Variants in DCC observed in about 807,000 individuals in gnomAD.
DCC encodes netrin receptor DCC.
DCC carries 58 observed loss-of-function variants against 172.5 expected under a neutral mutation model. The ratio of observed to expected loss-of-function variants is 0.34; its 90% CI spans 0.27 to 0.42. The LOEUF is 0.42. Among genes scored for constraint, DCC ranks in the 10% least tolerant of loss-of-function variants. DCC has a pLI of 1.00. For missense variants in DCC, 1,740 were observed against 1,791.0 expected (o/e 0.97, Z 0.51); for synonymous variants, 709 against 644.5 (o/e 1.10, Z -1.52).
intron 1 of DCC, among the ~76,000 whole-genome samples, chr18:52,378,998 T>C (rs1243167914): frequency 6.6e-6 from 1 of 152,190 alleles, no homozygotes. Context: ...AGGTAAAGTA[T>C]AGGTACAAAC....
intron 5 of DCC, among the ~76,000 whole-genome samples, chr18:53,006,926 A>G (rs375357322): frequency 7.9e-5 from 12 of 152,332 alleles, no homozygotes; most frequent in African/African-American, 2.9e-4. Context: ...CATGGATTCC[A>G]AAGAGATTGC....
At chr18:53,315,292 C>T (rs926199027) in intron 13 of DCC, among the ~76,000 whole-genome samples, 1 of 152,154 alleles carries the variant, frequency 6.6e-6, no homozygotes, top group African/African-American at 2.4e-5. Context: ...AGGACATGAA[C>T]CCATCCTTTT....
intron 1 of DCC, among the ~76,000 whole-genome samples, chr18:52,457,861 A>C (rs1988505835): frequency 6.6e-6 from 1 of 152,152 alleles, no homozygotes; most frequent in South Asian, 2.1e-4. Flanking sequence ...TATCCTCTCA[A>C]AGATCTTGCC....
At chr18:52,817,630 A>C (rs1289234237) in intron 2 of DCC, among the ~76,000 whole-genome samples, 2 of 152,144 alleles carry the variant, frequency 1.3e-5, no homozygotes, top group African/African-American at 4.8e-5. Flanking sequence ...GAGTGATGAC[A>C]ATGATTTTTT....
chr18:52,940,208 C>T (rs139771524), intron 5 of DCC, among the ~76,000 whole-genome samples: 3,407 of 152,156 alleles, frequency 0.022, 56 homozygotes, highest in Middle Eastern at 0.054. Context: ...ACCAAACCAA[C>T]GAACAAAAGT....
At chr18:52,910,810 C>G (rs1445301895) in intron 3 of DCC, among the ~76,000 whole-genome samples, 2 of 151,966 alleles carry the variant, frequency 1.3e-5, no homozygotes. Context: ...GACTCTGAGT[C>G]CTGTATAGAC....
chr18:52,403,089 T>A (rs892292146), intron 1 of DCC, among the ~76,000 whole-genome samples: 4 of 152,010 alleles, frequency 2.6e-5, no homozygotes, highest in Non-Finnish European at 1.5e-5. Context: ...GTGAAAGTTT[T>A]GATGGTGGAC....
intron 1 of DCC, among the ~76,000 whole-genome samples, chr18:52,620,367 T>G (rs1166743521): frequency 1.3e-5 from 2 of 152,202 alleles, no homozygotes; most frequent in African/African-American, 4.8e-5. Context: ...CTGCAGACCA[T>G]AGCCTACAAT....
At chr18:53,356,071 T>C (rs1263113379) in intron 15 of DCC, among the ~76,000 whole-genome samples, 2 of 152,126 alleles carry the variant, frequency 1.3e-5, no homozygotes, top group Non-Finnish European at 2.9e-5. Flanking sequence ...ATTTATTTTT[T>C]TGAGACAGGG....
chr18:53,016,576 CTAACA>C (rs551146260), intron 5 of DCC, among the ~76,000 whole-genome samples: 1 of 151,776 alleles, frequency 6.6e-6, no homozygotes, highest in Non-Finnish European at 1.5e-5. Context: ...AAAATGTTAC[CTAACA>C]TATTTGAAAC....
intron 1 of DCC, among the ~76,000 whole-genome samples, chr18:52,400,089 T>C (rs1014107951): frequency 6.6e-6 from 1 of 152,104 alleles, no homozygotes; most frequent in African/African-American, 2.4e-5. Flanking sequence ...GAAAGTAGCA[T>C]ATCCCATCAA....
chr18:53,340,021 A>G (rs1327800238), intron 15 of DCC, 114 bp downstream of exon 15: 3 of 807,486 alleles, frequency 3.7e-6, no homozygotes, highest in African/African-American at 1.7e-5. Flanking sequence ...TACAGCATGT[A>G]TTAGCTCTGA....
At chr18:52,403,690 T>G (rs375608816) in intron 1 of DCC, among the ~76,000 whole-genome samples, 33 of 152,124 alleles carry the variant, frequency 2.2e-4, no homozygotes, top group East Asian at 1.6e-3. Flanking sequence ...GAGGAGGCAA[T>G]GCCTTAGTGC....
At chr18:52,498,802 T>C (rs747101169) in intron 1 of DCC, among the ~76,000 whole-genome samples, 1 of 152,144 alleles carries the variant, frequency 6.6e-6, no homozygotes, top group Non-Finnish European at 1.5e-5. Context: ...AAGAAACCTC[T>C]GATGTCTCTT....
chr18:52,752,063 T>C lies in DCC; in HGVS notation c.101T>C (p.Ile34Thr), dbSNP rs750760650. The part of the protein sequence containing the change: ...SAHLQVTGFQ[I>T]KAFTALRFLS... Reference sequence around the variant, plus strand: ...TGCTCTCTTGTTCCAGGTTTTCAAATTAAAGCTTTCACAGCACTGCGCTTC... The same window carrying C: ...TGCTCTCTTGTTCCAGGTTTTCAAACTAAAGCTTTCACAGCACTGCGCTTC... The change falls in exon 2 of 29, where the codon ATT becomes ACT. Residue 34 changes from isoleucine to threonine, a missense_variant. This residue lies in a region of DCC where 1,732 missense variants were observed against 1,767.4 expected (regional missense o/e 0.98). Coordinates refer to ENST00000442544, the MANE Select transcript of DCC (RefSeq NM_005215.4). 1.2e-6 allele frequency: 2 copies of C among 1,614,060 alleles called. No individual in the cohort carries two copies. Among genetic ancestry groups the C allele is most frequent in the East Asian group, 2.2e-5 (1 of 44,876 alleles).
intron 1 of DCC, among the ~76,000 whole-genome samples, chr18:52,744,696 C>A (rs964278693): frequency 1.3e-5 from 2 of 152,100 alleles, no homozygotes; most frequent in Admixed American, 6.5e-5. Context: ...TCTGGTCTAG[C>A]GGAAATTAAA....
intron 3 of DCC, among the ~76,000 whole-genome samples, chr18:52,906,963 A>T (rs1238014185): frequency 6.6e-6 from 1 of 151,882 alleles, no homozygotes; most frequent in Admixed American, 6.6e-5. Flanking sequence ...GTAAAGTGTG[A>T]AGAGTTCTCT....
chr18:52,452,703 A>G (rs1598830128), intron 1 of DCC, among the ~76,000 whole-genome samples: 1 of 152,240 alleles, frequency 6.6e-6, no homozygotes, highest in Admixed American at 6.5e-5. Flanking sequence ...GTCCAGTACA[A>G]TAAGCCTTAG....
intron 15 of DCC, among the ~76,000 whole-genome samples, chr18:53,378,477 A>C (rs1205280116): frequency 6.6e-6 from 1 of 152,204 alleles, no homozygotes; most frequent in Non-Finnish European, 1.5e-5. Context: ...AGAGGAAAAT[A>C]TTATAAAATA....
Sources: allele counts gnomAD v4.1 joint callset (sites outside exome capture counted in the v4.1 genomes callset), GRCh38; gene constraint gnomAD v4.1.1; regional missense constraint gnomAD v4.1.1; transcripts MANE v1.5; gene names NCBI Gene and HGNC (gene_info 2026-07-23, HGNC 2026-07-21).